Variants in CADM2 observed in about 807,000 individuals in gnomAD.
CADM2 encodes the protein immunoglobulin superfamily member 4D.
Under a neutral mutation model 49.8 loss-of-function variants are expected in CADM2, and 12 were observed. The ratio of observed to expected loss-of-function variants is 0.24; its 90% CI spans 0.15 to 0.39. The LOEUF (loss-of-function observed/expected upper bound fraction) is 0.39. Ranked by LOEUF, CADM2 falls within the 10% of genes least tolerant of loss-of-function variation. CADM2 has a pLI of 1.00. For missense variants in CADM2, 378 were observed against 492.3 expected (o/e 0.77, Z 2.20); for synonymous variants, 214 against 175.4 (o/e 1.22, Z -1.74).
chr3:85,101,501 T>G (rs1174042309), intron 1 of CADM2, among the ~76,000 whole-genome samples: 1 of 152,192 alleles, frequency 6.6e-6, no homozygotes, highest in Non-Finnish European at 1.5e-5. Flanking sequence ...TAAAATTTCT[T>G]GATTCCTTAG....
intron 1 of CADM2, among the ~76,000 whole-genome samples, chr3:85,373,543 C>T (rs2033403521): frequency 6.6e-6 from 1 of 152,112 alleles, no homozygotes; most frequent in South Asian, 2.1e-4. Flanking sequence ...TCTCACAGCT[C>T]CACTAGGCAG....
At chr3:85,451,578 G>A (rs2037750158) in intron 1 of CADM2, among the ~76,000 whole-genome samples, 1 of 151,876 alleles carries the variant, frequency 6.6e-6, no homozygotes, top group Admixed American at 6.6e-5. Context: ...ACTTCCTCAG[G>A]TTCATCAACT....
At chr3:85,851,493 C>T (rs2075107567) in intron 3 of CADM2, among the ~76,000 whole-genome samples, 1 of 151,834 alleles carries the variant, frequency 6.6e-6, no homozygotes, top group African/African-American at 2.4e-5. Context: ...GATTTTGTAT[C>T]ACTTTTTAAA....
intron 1 of CADM2, among the ~76,000 whole-genome samples, chr3:85,534,363 A>G (rs1235082406): frequency 6.6e-6 from 1 of 152,168 alleles, no homozygotes; most frequent in Non-Finnish European, 1.5e-5. Flanking sequence ...CCACCTCCTC[A>G]TTTATACTAG....
chr3:85,549,145 A>G (rs2061736923), intron 1 of CADM2, among the ~76,000 whole-genome samples: 1 of 152,210 alleles, frequency 6.6e-6, no homozygotes, highest in Non-Finnish European at 1.5e-5. Flanking sequence ...AGCACATATT[A>G]AGTATTTTGT....
intron 1 of CADM2, among the ~76,000 whole-genome samples, chr3:85,702,120 C>CTAA (rs1017763026): frequency 3.9e-5 from 6 of 152,184 alleles, no homozygotes; most frequent in Non-Finnish European, 8.8e-5. Context: ...TAGGGCTGTG[C>CTAA]TACCTGCCTG....
At chr3:85,171,847 C>T (rs1224343226) in intron 1 of CADM2, among the ~76,000 whole-genome samples, 2 of 152,174 alleles carry the variant, frequency 1.3e-5, no homozygotes, top group Non-Finnish European at 1.5e-5. Flanking sequence ...GATGCAGACT[C>T]TCAAGAAGCT....
At chr3:85,347,572 TATATATAC>T (rs2030833305) in intron 1 of CADM2, among the ~76,000 whole-genome samples, 2 of 124,782 alleles carry the variant, frequency 1.6e-5, no homozygotes, top group African/African-American at 6.5e-5. Flanking sequence ...TATATATAAA[TATATATAC>T]ATATATACAT....
chr3:85,491,248 CATGCTTATAGTTAT>C (rs1313067897), intron 1 of CADM2, among the ~76,000 whole-genome samples: 1 of 152,130 alleles, frequency 6.6e-6, no homozygotes, highest in African/African-American at 2.4e-5. Context: ...ATGGACTAAT[CATGCTTATAGTTAT>C]ATGACAGCTG....
At chr3:85,538,344 A>G (rs887251270) in intron 1 of CADM2, among the ~76,000 whole-genome samples, 3 of 152,058 alleles carry the variant, frequency 2.0e-5, no homozygotes, top group African/African-American at 7.2e-5. Context: ...CTGTGAAGTG[A>G]GATTCTCATT....
chr3:85,451,830 A>T (rs2037760323), intron 1 of CADM2, among the ~76,000 whole-genome samples: 1 of 152,216 alleles, frequency 6.6e-6, no homozygotes, highest in African/African-American at 2.4e-5. Flanking sequence ...CAGCAATTTT[A>T]GCTATTATCG....
At chr3:84,977,766 C>A (rs912835883) in intron 1 of CADM2, among the ~76,000 whole-genome samples, 3 of 152,042 alleles carry the variant, frequency 2.0e-5, no homozygotes, top group Admixed American at 6.6e-5. Flanking sequence ...GCAATGGTTT[C>A]ATCGTTGATT....
At chr3:86,026,214 G>T (rs908413860) in intron 8 of CADM2, among the ~76,000 whole-genome samples, 1 of 152,100 alleles carries the variant, frequency 6.6e-6, no homozygotes, top group Non-Finnish European at 1.5e-5. Context: ...TCAAATTCAG[G>T]TATTTTGTTA....
chr3:85,935,205 C>T (rs892568640), intron 6 of CADM2, among the ~76,000 whole-genome samples: 2 of 152,004 alleles, frequency 1.3e-5, no homozygotes, highest in African/African-American at 2.4e-5. Context: ...ATCATAAATG[C>T]TATTGGAAGT....
chr3:85,110,416 A>G (rs2038405877), intron 1 of CADM2, among the ~76,000 whole-genome samples: 1 of 151,900 alleles, frequency 6.6e-6, no homozygotes, highest in Non-Finnish European at 1.5e-5. Flanking sequence ...CCTGGTATCT[A>G]CCAGGCCCTT....
At chr3:84,972,720 A>C (rs2031544189) in intron 1 of CADM2, among the ~76,000 whole-genome samples, 1 of 152,200 alleles carries the variant, frequency 6.6e-6, no homozygotes, top group African/African-American at 2.4e-5. Flanking sequence ...TCTGAAGCAT[A>C]ACTTATTCAT....
chr3:85,102,986 A>G (rs762984654), intron 1 of CADM2, among the ~76,000 whole-genome samples: 3 of 152,178 alleles, frequency 2.0e-5, no homozygotes, highest in Non-Finnish European at 4.4e-5. Flanking sequence ...GCATACGGCT[A>G]TGCACATTCT....
intron 1 of CADM2, among the ~76,000 whole-genome samples, chr3:85,624,713 C>T (rs2064074809): frequency 1.3e-5 from 2 of 151,972 alleles, no homozygotes; most frequent in African/African-American, 4.8e-5. Flanking sequence ...GGTGTAGTCT[C>T]CTACTTCATT....
At chr3:85,507,308 C>G (rs1400388747) in intron 1 of CADM2, among the ~76,000 whole-genome samples, 1 of 151,748 alleles carries the variant, frequency 6.6e-6, no homozygotes, top group Non-Finnish European at 1.5e-5. Context: ...CTGTCTCAGC[C>G]TCCCAAGTAA....
Sources: allele counts gnomAD v4.1 joint callset (sites outside exome capture counted in the v4.1 genomes callset), GRCh38; gene constraint gnomAD v4.1.1; transcripts MANE v1.5; gene names NCBI Gene and HGNC (gene_info 2026-07-23, HGNC 2026-07-21).